NTF3: variants seen among roughly 807,000 people sequenced by gnomAD.
NTF3 encodes neurotrophin-3.
In NTF3, 8 loss-of-function variants were observed where a neutral mutation model predicts 26.3. The ratio of observed to expected loss-of-function variants is 0.30; its 90% CI spans 0.18 to 0.55. The LOEUF is 0.55. Ranked by LOEUF, NTF3 falls within the 20% of genes least tolerant of loss-of-function variation. The pLI is 0.93. For synonymous variants in NTF3, 154 were observed against 145.5 expected, an observed-to-expected ratio of 1.06 and a Z score of -0.42; for missense variants, 276 against 352.9, an observed-to-expected ratio of 0.78 and a Z score of 1.75.
At chr12:5,467,200 A>G (rs34136247) in intron 1 of NTF3, among the ~76,000 whole-genome samples, 4,986 of 131,520 alleles carry the variant, frequency 0.038, 117 homozygotes, top group Admixed American at 0.055. Context: ...CTGCACTCCA[A>G]CCTGTGCAAC....
chr12:5,434,791 TGGAA>T (rs958519012), intron 1 of NTF3, among the ~76,000 whole-genome samples: 3 of 148,936 alleles, frequency 2.0e-5, no homozygotes, highest in Non-Finnish European at 1.5e-5. Context: ...TGGATGCATG[TGGAA>T]GGTTGGGCGC....
chr12:5,451,579 T>G (rs1048473886), intron 1 of NTF3, among the ~76,000 whole-genome samples: 1 of 152,216 alleles, frequency 6.6e-6, no homozygotes, highest in South Asian at 2.1e-4. Context: ...AGTAAAACAA[T>G]GACCAGAAAT....
At position 5,494,493 on chromosome 12, in the gene NTF3, GCGA is replaced by G. The variant is rs762467093; in HGVS notation, c.320_322del (p.Arg107del). The G allele has an allele frequency of 3.1e-6, 5 of 1,613,922 alleles. No individual in the cohort carries two copies. The South Asian group carries it at 5.5e-5, about 18-fold the overall frequency. ...TGATTGCAATGGACACCGAACTGCTGCGACAACAGAGACGCTACAACTCACCGC... is the reference window on the plus strand; with the variant it reads ...TGATTGCAATGGACACCGAACTGCTGCAACAGAGACGCTACAACTCACCGC... On this transcript the variant is annotated inframe_deletion, in exon 2 of 2. Transcript: ENST00000423158. The surrounding 1 kb of genome is among the most constrained non-coding windows in gnomAD (Gnocchi z 8.3).
chr12:5,485,041 A>T (rs1261083667), intron 1 of NTF3, among the ~76,000 whole-genome samples: 1 of 152,254 alleles, frequency 6.6e-6, no homozygotes, highest in Non-Finnish European at 1.5e-5. Context: ...GCCATTTTTA[A>T]AAATGAGTCT....
chr12:5,434,133 A>C (rs954326047), intron 1 of NTF3, among the ~76,000 whole-genome samples: 1 of 152,142 alleles, frequency 6.6e-6, no homozygotes, highest in African/African-American at 2.4e-5. Context: ...CCTGCCCTCA[A>C]TTCCTTTTTG....
chr12:5,467,062 T>C (rs1940599109), intron 1 of NTF3, among the ~76,000 whole-genome samples: 1 of 151,752 alleles, frequency 6.6e-6, no homozygotes, highest in South Asian at 2.1e-4. Context: ...AAACCCCGTC[T>C]CTACTAAAAA....
intron 1 of NTF3, among the ~76,000 whole-genome samples, chr12:5,480,995 G>A (rs1279546954): frequency 6.6e-6 from 1 of 152,096 alleles, no homozygotes; most frequent in African/African-American, 2.4e-5. Context: ...GAAGGCCACT[G>A]GAGCCCTGTG....
chr12:5,459,963 T>A (rs1353014367), intron 1 of NTF3, among the ~76,000 whole-genome samples: 3 of 152,210 alleles, frequency 2.0e-5, no homozygotes, highest in Non-Finnish European at 4.4e-5. Flanking sequence ...TGGTCCCACC[T>A]CACCACCCTC....
chr12:5,468,698 G>A (rs534062335), intron 1 of NTF3, among the ~76,000 whole-genome samples: 3 of 152,298 alleles, frequency 2.0e-5, no homozygotes, highest in South Asian at 4.1e-4. Flanking sequence ...CCAGCCTGAC[G>A]CCAATGCTGC....
At chr12:5,442,915 A>G (rs1940257168) in intron 1 of NTF3, among the ~76,000 whole-genome samples, 1 of 152,180 alleles carries the variant, frequency 6.6e-6, no homozygotes, top group African/African-American at 2.4e-5. Flanking sequence ...ACTTGCGAAT[A>G]CAGTGTAGAT....
At chr12:5,454,317 A>C (rs926682168) in intron 1 of NTF3, among the ~76,000 whole-genome samples, 4 of 152,170 alleles carry the variant, frequency 2.6e-5, no homozygotes, top group Admixed American at 2.6e-4. Flanking sequence ...GTCTGTGTTC[A>C]GATGTCCCTT....
At chr12:5,490,615 A>T (rs1008706060) in intron 1 of NTF3, among the ~76,000 whole-genome samples, 1 of 152,208 alleles carries the variant, frequency 6.6e-6, no homozygotes, top group African/African-American at 2.4e-5. Context: ...AAATGAAGGT[A>T]TTGGTGGCCA....
chr12:5,462,627 C>G (rs1940538560), intron 1 of NTF3, among the ~76,000 whole-genome samples: 1 of 152,196 alleles, frequency 6.6e-6, no homozygotes, highest in East Asian at 1.9e-4. Context: ...ATTCCATTCA[C>G]CTTTGCTTCT....
intron 1 of NTF3, among the ~76,000 whole-genome samples, chr12:5,482,936 G>C (rs1005976852): frequency 1.4e-4 from 20 of 147,794 alleles, no homozygotes; most frequent in Non-Finnish European, 4.5e-5. Context: ...CCTTCTCTCG[G>C]TTCTGTATCT....
rs531721605 is a variant in NTF3 at position 5,441,068 on chromosome 12, G to A, written c.18+8726G>A. Reference sequence around the variant, plus strand: ...TATGTGGGATTAAAGTTGTCTGTGGGTAGCTGAATTCAATAAGCTAAATCA... The same window carrying A: ...TATGTGGGATTAAAGTTGTCTGTGGATAGCTGAATTCAATAAGCTAAATCA... On this transcript the variant is annotated intron_variant, in intron 1 of 1. Coordinates refer to ENST00000423158, the MANE Select transcript of NTF3 (RefSeq NM_001102654.2). Among the ~76,000 whole-genome samples, 12 of 152,186 alleles carry A rather than the reference G, an allele frequency of 7.9e-5. No individual in the cohort carries two copies. The South Asian group carries it at 2.3e-3, about 29-fold the overall frequency.
chr12:5,494,953 G>A lies in NTF3; in HGVS notation c.778G>A (p.Val260Met). ...GTGGATACGGATAGACACGTCCTGTGTGTGTGCCTTGTCGAGAAAAATCGG... is the reference window on the plus strand; with the variant it reads ...GTGGATACGGATAGACACGTCCTGTATGTGTGCCTTGTCGAGAAAAATCGG... ...WRWIRIDTSC[V>M]CALSRKIGRT is the part of the protein sequence containing the mutation. The change falls in exon 2 of 2, where the codon GTG (valine) becomes ATG (methionine). Residue 260 changes from valine (V) to methionine (M), a missense_variant. Physicochemically the swap from Val to Met is conservative, Grantham distance 21 (BLOSUM62 1). This residue lies in a region of NTF3 where 52 missense variants were observed against 78.4 expected (regional missense o/e 0.66). Coordinates refer to ENST00000423158, the MANE Select transcript of NTF3 (RefSeq NM_001102654.2). This position sits in a 1 kb window ranked among gnomAD's most constrained non-coding sequence, Gnocchi z 8.3. The A allele has an allele frequency of 1.9e-6, 3 of 1,614,104 alleles. No individual in the cohort carries two copies. The highest frequency in any genetic ancestry group is 1.1e-5 in the South Asian group (1 of 91,056).
At chr12:5,491,984 G>A (rs548701459) in intron 1 of NTF3, among the ~76,000 whole-genome samples, 2 of 152,098 alleles carry the variant, frequency 1.3e-5, no homozygotes, top group African/African-American at 2.4e-5. Context: ...AAAGTGCTGG[G>A]ATTACAGGCA....
intron 1 of NTF3, among the ~76,000 whole-genome samples, chr12:5,457,342 C>A (rs1412378100): frequency 6.6e-6 from 1 of 152,148 alleles, no homozygotes. Context: ...ATTTCCTGTT[C>A]AATGCTTAAA....
intron 1 of NTF3, among the ~76,000 whole-genome samples, chr12:5,481,809 G>A (rs143023637): frequency 2.3e-5 from 3 of 129,004 alleles, no homozygotes; most frequent in Non-Finnish European, 3.3e-5. Flanking sequence ...CACTCATACA[G>A]AGACACATGC....
Sources: gnomAD v4.1 joint callset for allele counts (sites outside exome capture counted in the v4.1 genomes callset) on GRCh38, gnomAD v4.1.1 for gene constraint, gnomAD v4.1.1 regional missense constraint, Gnocchi (gnomAD v3.1) non-coding constraint, MANE v1.5 for transcripts, NCBI Gene and HGNC (gene_info 2026-07-23, HGNC 2026-07-21) for gene names.